The following VAV3 variants were observed in gnomAD, a reference collection of about 807,000 sequenced individuals.
The protein encoded by VAV3 is guanine nucleotide exchange factor VAV3.
In VAV3, 94 loss-of-function variants were observed where a neutral mutation model predicts 131.2. The ratio of observed to expected loss-of-function variants is 0.72; its 90% CI spans 0.61 to 0.85. VAV3 has a LOEUF of 0.85. VAV3 is among the 40% of genes least tolerant of loss of function. VAV3 has a pLI of 0.00. For missense variants in VAV3, 939 were observed against 1,002.7 expected (o/e 0.94, Z 0.86); for synonymous variants, 349 against 342.0 (o/e 1.02, Z -0.22).
At chr1:107,867,298 A>C (rs777024324) in intron 2 of VAV3, among the ~76,000 whole-genome samples, 4 of 152,228 alleles carry the variant, frequency 2.6e-5, no homozygotes, top group Non-Finnish European at 5.9e-5. Context: ...AATTAGGAGC[A>C]GACTAAAAAC....
At chr1:107,809,038 C>T (rs1484190081) in intron 2 of VAV3, among the ~76,000 whole-genome samples, 1 of 152,160 alleles carries the variant, frequency 6.6e-6, no homozygotes, top group African/African-American at 2.4e-5. Flanking sequence ...CTGAGCGCAA[C>T]CTGCCCAAAA....
chr1:107,882,525 C>G (rs1670832039), intron 1 of VAV3, among the ~76,000 whole-genome samples: 1 of 152,126 alleles, frequency 6.6e-6, no homozygotes, highest in Non-Finnish European at 1.5e-5. Flanking sequence ...CCAAAGGTCT[C>G]AGATCATCCT....
chr1:107,879,618 C>T (rs1022722981), intron 1 of VAV3, among the ~76,000 whole-genome samples: 4 of 151,904 alleles, frequency 2.6e-5, no homozygotes, highest in African/African-American at 4.8e-5. Flanking sequence ...TTTGAATCAT[C>T]TGAAGCAGCT....
intron 21 of VAV3, among the ~76,000 whole-genome samples, chr1:107,610,373 G>T (rs1320815715): frequency 6.6e-6 from 1 of 151,590 alleles, no homozygotes; most frequent in Non-Finnish European, 1.5e-5. Context: ...CTGGATGTGG[G>T]TATTTAATAT....
intron 25 of VAV3, among the ~76,000 whole-genome samples, chr1:107,580,367 C>T (rs1463908419): frequency 6.6e-6 from 1 of 152,114 alleles, no homozygotes; most frequent in Non-Finnish European, 1.5e-5. Flanking sequence ...GGTTCTATTC[C>T]GCAGGCTTCC....
chr1:107,921,464 T>G (rs1672895500), intron 1 of VAV3, among the ~76,000 whole-genome samples: 1 of 152,208 alleles, frequency 6.6e-6, no homozygotes, highest in African/African-American at 2.4e-5. Flanking sequence ...GATAAAAAGC[T>G]AGAAACCACC....
At chr1:107,946,981 A>C (rs917049408) in intron 1 of VAV3, among the ~76,000 whole-genome samples, 1 of 152,360 alleles carries the variant, frequency 6.6e-6, no homozygotes, top group Non-Finnish European at 1.5e-5. Flanking sequence ...CCTACAGCAC[A>C]GACAGTGGTG....
chr1:107,815,169 G>A (rs1298928658), intron 2 of VAV3, among the ~76,000 whole-genome samples: 2 of 152,160 alleles, frequency 1.3e-5, no homozygotes, highest in Non-Finnish European at 2.9e-5. Context: ...TGCATGAATA[G>A]TGTCTCTCTT....
chr1:107,706,989 T>G (rs958622994), intron 15 of VAV3, among the ~76,000 whole-genome samples: 2 of 152,164 alleles, frequency 1.3e-5, no homozygotes, highest in African/African-American at 4.8e-5. Flanking sequence ...TTTAAAACTT[T>G]CATGAACTAA....
intron 2 of VAV3, among the ~76,000 whole-genome samples, chr1:107,870,591 G>A (rs1174110024): frequency 2.0e-5 from 3 of 152,040 alleles, no homozygotes; most frequent in Non-Finnish European, 4.4e-5. Flanking sequence ...TGGGTTGTCT[G>A]TTTTCTCTGC....
chr1:107,874,290 C>T (rs371161900), intron 2 of VAV3, among the ~76,000 whole-genome samples: 13 of 152,184 alleles, frequency 8.5e-5, no homozygotes, highest in East Asian at 5.8e-4. Flanking sequence ...AGTGTGCATA[C>T]GGATAACAGT....
chr1:107,671,652 T>C (rs866130516), intron 19 of VAV3, among the ~76,000 whole-genome samples: 1 of 152,122 alleles, frequency 6.6e-6, no homozygotes, highest in Admixed American at 6.5e-5. Context: ...GAGACACATA[T>C]GTACAAAAGG....
chr1:107,796,772 T>C (rs934092594), intron 2 of VAV3, among the ~76,000 whole-genome samples: 3 of 143,128 alleles, frequency 2.1e-5, no homozygotes, highest in African/African-American at 7.6e-5. Flanking sequence ...GTTCAAGAAA[T>C]AGACATGCTG....
chr1:107,651,433 G>A (rs569828637), intron 19 of VAV3, among the ~76,000 whole-genome samples: 2 of 151,388 alleles, frequency 1.3e-5, no homozygotes, highest in Admixed American at 1.3e-4. Context: ...TTCGTACAGA[G>A]TTTATATCTA....
rs1343869296 is a variant in VAV3 at position 107,596,085 on chromosome 1, G to C, written c.2350+127C>G. 50 of 1,253,522 alleles carry C rather than the reference G, an allele frequency of 4.0e-5. No homozygotes were observed. In the East Asian group the frequency reaches 1.2e-3, roughly 31 times the overall value. The allele number at this position is 1,253,522 out of a possible 1,614,324, so 77.6% of individuals were successfully genotyped here. On this transcript the variant is annotated intron_variant, in intron 25 of 26. Coordinates refer to ENST00000370056, the MANE Select transcript of VAV3 (RefSeq NM_006113.5). ...TCTGACTCTGCTTAACTCCAGAAAAGAAGTCCTTGCTCATGCATTAGCGCA... is the reference window on the plus strand; with the variant it reads ...TCTGACTCTGCTTAACTCCAGAAAACAAGTCCTTGCTCATGCATTAGCGCA...
intron 15 of VAV3, among the ~76,000 whole-genome samples, chr1:107,731,867 A>C (rs949779284): frequency 1.3e-5 from 2 of 152,208 alleles, no homozygotes; most frequent in Non-Finnish European, 2.9e-5. Flanking sequence ...CATTATGAAA[A>C]GGTATTCAGA....
intron 2 of VAV3, among the ~76,000 whole-genome samples, chr1:107,857,022 T>TCACATCCAC (rs151176426): frequency 0.015 from 2,354 of 152,170 alleles, 48 homozygotes; most frequent in African/African-American, 0.044. Context: ...GTGGATGACA[T>TCACATCCAC]GGTGTGATGG....
chr1:107,717,269 C>A (rs549792267), intron 15 of VAV3, among the ~76,000 whole-genome samples: 2 of 152,122 alleles, frequency 1.3e-5, no homozygotes, highest in South Asian at 2.1e-4. Context: ...TTATTTCTTG[C>A]CTTATGCTAG....
intron 2 of VAV3, among the ~76,000 whole-genome samples, chr1:107,785,095 A>G (rs1246467153): frequency 6.6e-6 from 1 of 152,188 alleles, no homozygotes; most frequent in African/African-American, 2.4e-5. Flanking sequence ...TACACTGATA[A>G]AACTACCCAT....
Sources: allele counts gnomAD v4.1 joint callset (sites outside exome capture counted in the v4.1 genomes callset), GRCh38; gene constraint gnomAD v4.1.1; transcripts MANE v1.5; gene names NCBI Gene and HGNC (gene_info 2026-07-23, HGNC 2026-07-21).